Variants in SRRM4 observed in about 807,000 individuals in gnomAD.
The protein encoded by SRRM4 is serine/arginine repetitive matrix 4.
SRRM4 carries 33 observed loss-of-function variants against 68.9 expected under a neutral mutation model. That is an observed-to-expected ratio of 0.48 (90% CI 0.36 to 0.64). SRRM4 has a LOEUF of 0.64. Among genes scored for constraint, SRRM4 ranks in the 30% least tolerant of loss-of-function variants. SRRM4 has a pLI of 0.00. For missense variants in SRRM4, 817 were observed against 827.1 expected, an observed-to-expected ratio of 0.99 and a Z score of 0.15; for synonymous variants, 318 against 318.8, an observed-to-expected ratio of 1.00 and a Z score of 0.03.
At chr12:119,086,885 G>A (rs975927843) in intron 1 of SRRM4, among the ~76,000 whole-genome samples, 1 of 152,210 alleles carries the variant, frequency 6.6e-6, no homozygotes, top group Admixed American at 6.5e-5. Context: ...AAGTCTGGAG[G>A]TAGAGTTCCA....
In SRRM4 at chr12:119,019,955, C is replaced by G. The variant is rs565551177; in HGVS notation, c.131+37942C>G. On this transcript the variant is annotated intron_variant, in intron 1 of 12. Coordinates refer to ENST00000267260, the MANE Select transcript of SRRM4 (RefSeq NM_194286.4). ...TCTGGACAGTTCCCCCCGCTCCCCC[C>G]CCCCCCAAAAAAAAATCACACACAT... Among the ~76,000 whole-genome samples the G allele has an allele frequency of 2.8e-4, 22 of 78,000 alleles. 1 individual carries two copies. The highest frequency in any genetic ancestry group is 8.4e-4 in the South Asian group (2 of 2,368). The allele number at this position is 78,000 out of a possible 152,430, so 51.2% of individuals were successfully genotyped here. A position where few individuals can be genotyped will look rare whatever the true frequency, so the allele number is the denominator to read the frequency against.
intron 9 of SRRM4, among the ~76,000 whole-genome samples, chr12:119,148,304 C>G (rs1209465517): frequency 6.6e-6 from 1 of 152,162 alleles, no homozygotes; most frequent in Admixed American, 6.5e-5. Context: ...TTTGCCTGCC[C>G]CAGGTCATCC....
At position 119,047,049 on chromosome 12, in the gene SRRM4, A is replaced by G. The variant is rs1192623112; in HGVS notation, c.132-55187A>G. On this transcript the variant is annotated intron_variant, in intron 1 of 12. Coordinates refer to ENST00000267260, the MANE Select transcript of SRRM4 (RefSeq NM_194286.4). Reference sequence around the variant, plus strand: ...CCCGTCTAAAAAAAAAAAAAAAAAAAGTGTGGACTCTGTCTTCACACAGTT... The same window carrying G: ...CCCGTCTAAAAAAAAAAAAAAAAAAGGTGTGGACTCTGTCTTCACACAGTT... 6.6e-5 allele frequency among the ~76,000 whole-genome samples: 10 copies of G among 150,450 alleles called. No individual in the cohort carries two copies. In the East Asian group the frequency reaches 1.7e-3, roughly 26 times the overall value.
chr12:119,115,030 A>T (rs1384370357), intron 3 of SRRM4, among the ~76,000 whole-genome samples: 1 of 151,618 alleles, frequency 6.6e-6, no homozygotes, highest in African/African-American at 2.4e-5. Flanking sequence ...AGAGGACTAG[A>T]CTAGGCACCG....
rs1954163527 is a variant in SRRM4 at position 119,114,297 on chromosome 12, T to A, written c.298T>A (p.Leu100Met). The A allele has an allele frequency of 6.2e-7, 1 of 1,612,458 alleles. No homozygotes were observed. The highest frequency in any genetic ancestry group is 8.5e-7 in the Non-Finnish European group (1 of 1,179,376). Residue 100 changes from leucine (L) to methionine (M), a missense_variant, in exon 3 of 13, where the codon TTG becomes ATG. Transcript: ENST00000267260. ...TCACAGTGCCTCTCATGACAAAGAC[T>A]TGACACCACCACCTTCCTCCAGGGG... is the stretch of plus-strand genomic sequence containing the variant. Reference protein sequence around the residue: ...RGHSASHDKDLTPPPSSRGKK... With the variant: ...RGHSASHDKDMTPPPSSRGKK...
intron 1 of SRRM4, among the ~76,000 whole-genome samples, chr12:119,014,922 T>C (rs1192610357): frequency 1.3e-5 from 2 of 152,174 alleles, no homozygotes; most frequent in African/African-American, 4.8e-5. Flanking sequence ...TCAAGAAATT[T>C]GTGGAAGAAT....
At chr12:119,139,483 C>G (rs971785765) in intron 8 of SRRM4, among the ~76,000 whole-genome samples, 2 of 152,178 alleles carry the variant, frequency 1.3e-5, no homozygotes, top group Non-Finnish European at 2.9e-5. Context: ...GAAAATGCTC[C>G]TACCACCTGG....
intron 1 of SRRM4, among the ~76,000 whole-genome samples, chr12:119,080,937 C>T (rs1399025236): frequency 6.6e-6 from 1 of 152,190 alleles, no homozygotes; most frequent in Admixed American, 6.5e-5. Flanking sequence ...AGCACACAAG[C>T]CCCAATCCGC....
At chr12:119,137,190 A>G (rs1328467046) in intron 8 of SRRM4, among the ~76,000 whole-genome samples, 2 of 151,872 alleles carry the variant, frequency 1.3e-5, no homozygotes, top group Non-Finnish European at 2.9e-5. Flanking sequence ...CCAGTCTCCC[A>G]TATGGCAGGG....
intron 1 of SRRM4, among the ~76,000 whole-genome samples, chr12:119,066,201 A>G (rs149815966): frequency 5.7e-4 from 87 of 152,306 alleles, no homozygotes; most frequent in African/African-American, 1.9e-3. Flanking sequence ...GGTAATAATA[A>G]CAATAGCTAT....
At chr12:119,076,533 G>A (rs993182910) in intron 1 of SRRM4, among the ~76,000 whole-genome samples, 2 of 152,148 alleles carry the variant, frequency 1.3e-5, no homozygotes, top group South Asian at 4.1e-4. Context: ...CCTCATCTGC[G>A]AATTAAGTCT....
intron 1 of SRRM4, among the ~76,000 whole-genome samples, chr12:119,064,791 C>A (rs915663311): frequency 2.0e-5 from 3 of 152,084 alleles, no homozygotes; most frequent in Non-Finnish European, 2.9e-5. Flanking sequence ...AAACCAGACA[C>A]CAATTTACCA....
At chr12:119,115,604 G>A (rs960726584) in intron 3 of SRRM4, among the ~76,000 whole-genome samples, 4 of 152,176 alleles carry the variant, frequency 2.6e-5, no homozygotes, top group Non-Finnish European at 4.4e-5. Flanking sequence ...GAGCCAGGGG[G>A]AAATATGGAT....
chr12:119,087,979 T>C (rs1953989978), intron 1 of SRRM4, among the ~76,000 whole-genome samples: 1 of 152,158 alleles, frequency 6.6e-6, no homozygotes, highest in Non-Finnish European at 1.5e-5. Flanking sequence ...AATGAAATGA[T>C]GGGTTTTAAT....
At chr12:119,065,494 T>C (rs1043578854) in intron 1 of SRRM4, among the ~76,000 whole-genome samples, 1 of 152,124 alleles carries the variant, frequency 6.6e-6, no homozygotes, top group African/African-American at 2.4e-5. Flanking sequence ...CCCAGCACTT[T>C]GGGAGGCTGA....
At chr12:119,104,967 C>T (rs1354172437) in intron 2 of SRRM4, among the ~76,000 whole-genome samples, 2 of 106,674 alleles carry the variant, frequency 1.9e-5, no homozygotes, top group African/African-American at 7.3e-5. Context: ...AATCCCTCCC[C>T]CCTCCCCCCA....
intron 2 of SRRM4, 170 bp from the exon 3 acceptor site, chr12:119,114,106 ATT>A (rs1954162084): frequency 1.9e-6 from 1 of 528,334 alleles, no homozygotes; most frequent in South Asian, 2.8e-5. Context: ...TTAAGTCCTT[ATT>A]TAGGTACTTA....
chr12:118,989,525 C>T (rs1953302828), intron 1 of SRRM4, among the ~76,000 whole-genome samples: 2 of 151,808 alleles, frequency 1.3e-5, no homozygotes, highest in Admixed American at 6.6e-5. Flanking sequence ...GTATCTCTCC[C>T]GGCACCTGTC....
chr12:119,132,062 G>A (rs546834466), intron 8 of SRRM4, among the ~76,000 whole-genome samples: 4 of 152,248 alleles, frequency 2.6e-5, no homozygotes, highest in African/African-American at 7.2e-5. Flanking sequence ...GCATAACCAA[G>A]GTCTAATTTT....
Sources: gnomAD v4.1 joint callset for allele counts (sites outside exome capture counted in the v4.1 genomes callset) on GRCh38, gnomAD v4.1.1 for gene constraint, MANE v1.5 for transcripts, NCBI Gene and HGNC (gene_info 2026-07-23, HGNC 2026-07-21) for gene names.